Variants in NARS2 observed in about 807,000 individuals in gnomAD.
The protein encoded by NARS2 is asparaginyl-tRNA synthetase.
Under a neutral mutation model 62.9 loss-of-function variants are expected in NARS2, and 60 were observed. The observed-to-expected ratio is 0.95, with a 90% CI of 0.77 to 1.18. The LOEUF (loss-of-function observed/expected upper bound fraction) is 1.18. NARS2 is among the 50% of genes most tolerant of loss of function. NARS2 has a pLI of 0.00. For synonymous variants in NARS2, 196 were observed against 200.0 expected, an observed-to-expected ratio of 0.98 and a Z score of 0.17; for missense variants, 619 against 576.4, an observed-to-expected ratio of 1.07 and a Z score of -0.76.
rs1235452177 is a variant in NARS2, at chr11:78,574,392, C to G, written c.97G>C (p.Ala33Pro). 6.2e-7 allele frequency: 1 copy of G among 1,614,212 alleles called. No individual in the cohort carries two copies. The highest frequency in any genetic ancestry group is 1.1e-5 in the South Asian group (1 of 91,082). The change falls in exon 1 of 14, where the codon GCT becomes CCT. Residue 33 changes from alanine to proline, a missense_variant. Transcript: ENST00000281038. ...KPSAKLSVRDALGAQNASGER... is the reference protein window; with the variant it reads ...KPSAKLSVRDPLGAQNASGER... Reference sequence around the variant, plus strand: ...CCACTCGCGTTCTGAGCCCCGAGAGCGTCCCGCACGCTCAGTTTGGCTGAA... The same window carrying G: ...CCACTCGCGTTCTGAGCCCCGAGAGGGTCCCGCACGCTCAGTTTGGCTGAA...
intron 6 of NARS2, among the ~76,000 whole-genome samples, chr11:78,525,754 T>C (rs1861272963): frequency 6.6e-6 from 1 of 152,018 alleles, no homozygotes; most frequent in East Asian, 1.9e-4. Flanking sequence ...AGGGAAAAAA[T>C]AGTGTATTTT....
intron 6 of NARS2, among the ~76,000 whole-genome samples, chr11:78,504,446 T>G (rs979525293): frequency 9.9e-5 from 15 of 151,744 alleles, no homozygotes; most frequent in African/African-American, 3.4e-4. Flanking sequence ...TTTTTTTTTT[T>G]TTTTTTTTTT....
rs558147969 is a variant in NARS2 at position 78,532,685 on chromosome 11, C to T, written c.595-3749G>A. Among the ~76,000 whole-genome samples the T allele has an allele frequency of 4.7e-4, 72 of 152,284 alleles. 2 individuals are homozygous for T. In the South Asian group the frequency reaches 7.3e-3, roughly 15 times the overall value. On this transcript the variant is annotated intron_variant, in intron 5 of 13. Coordinates refer to ENST00000281038, the MANE Select transcript of NARS2 (RefSeq NM_024678.6). ...AAACGTTGTGAAAGATTAAATGGTG[C>T]CCCTTACCTCTTAGTTACTAATTCT...
chr11:78,568,790 A>G, intron 2 of NARS2, 38 bp from the exon 3 acceptor site: 2 of 1,471,432 alleles, frequency 1.4e-6, no homozygotes, highest in Non-Finnish European at 1.9e-6. Flanking sequence ...AGATATCATT[A>G]TATACAACCT....
At chr11:78,520,829 G>A (rs1382138905) in intron 6 of NARS2, among the ~76,000 whole-genome samples, 2 of 152,118 alleles carry the variant, frequency 1.3e-5, no homozygotes, top group East Asian at 3.9e-4. Context: ...GCCGAGGCGG[G>A]TGGATCACCT....
At chr11:78,489,382 G>C (rs1286686933) in intron 7 of NARS2, among the ~76,000 whole-genome samples, 1 of 152,082 alleles carries the variant, frequency 6.6e-6, no homozygotes, top group Non-Finnish European at 1.5e-5. Flanking sequence ...AAACCACAAA[G>C]AGATACTAAT....
At chr11:78,437,352 G>A (rs1168437133) in intron 13 of NARS2, among the ~76,000 whole-genome samples, 3 of 152,176 alleles carry the variant, frequency 2.0e-5, no homozygotes, top group Non-Finnish European at 4.4e-5. Context: ...TCTAGAGTAG[G>A]TGTTAATTAC....
chr11:78,439,067 T>C (rs564634805), intron 13 of NARS2, among the ~76,000 whole-genome samples: 154 of 152,062 alleles, frequency 1.0e-3, no homozygotes, highest in African/African-American at 3.3e-3. Context: ...GATGGACTTT[T>C]GCTCTTGCTG....
At chr11:78,479,116 T>G (rs1270756360) in intron 7 of NARS2, among the ~76,000 whole-genome samples, 1 of 152,166 alleles carries the variant, frequency 6.6e-6, no homozygotes, top group African/African-American at 2.4e-5. Context: ...CATCAGTTGT[T>G]GTGAACTGTA....
At chr11:78,464,770 G>A (rs1026582483) in intron 11 of NARS2, among the ~76,000 whole-genome samples, 8 of 152,216 alleles carry the variant, frequency 5.3e-5, no homozygotes, top group East Asian at 1.9e-4. Context: ...CAAACCCTGA[G>A]CTAGACAGAG....
At chr11:78,535,302 A>G (rs1565265165) in intron 5 of NARS2, among the ~76,000 whole-genome samples, 1 of 152,230 alleles carries the variant, frequency 6.6e-6, no homozygotes, top group South Asian at 2.1e-4. Context: ...ACAATGGTAC[A>G]TAAATTCATC....
intron 7 of NARS2, among the ~76,000 whole-genome samples, chr11:78,480,667 C>T (rs1301422505): frequency 7.0e-6 from 1 of 143,496 alleles, no homozygotes; most frequent in African/African-American, 2.6e-5. Context: ...AGGCACTGAT[C>T]ACATAAAATA....
chr11:78,502,231 C>T (rs1290964865), intron 6 of NARS2, among the ~76,000 whole-genome samples: 1 of 152,122 alleles, frequency 6.6e-6, no homozygotes, highest in Non-Finnish European at 1.5e-5. Context: ...AGACTGGGTG[C>T]CTTAAACAAC....
chr11:78,574,598 C>A lies in NARS2; in HGVS notation c.-110G>T, dbSNP rs1857062289. 2 of 1,232,616 alleles carry A rather than the reference C, an allele frequency of 1.6e-6. No homozygotes were observed. The highest frequency in any genetic ancestry group is 1.5e-5 in the South Asian group (1 of 65,312). The allele number at this position is 1,232,616 out of a possible 1,614,324, so 76.4% of individuals were successfully genotyped here. On this transcript the variant is annotated 5_prime_UTR_variant, in exon 1 of 14. Coordinates refer to ENST00000281038, the MANE Select transcript of NARS2 (RefSeq NM_024678.6). ...CTCCCCTTCCGCGGCCGCAGCTCTGCTCTAAGGCACTCCAGAGCCCCTCGG... is the reference window on the plus strand; with the variant it reads ...CTCCCCTTCCGCGGCCGCAGCTCTGATCTAAGGCACTCCAGAGCCCCTCGG...
chr11:78,447,031 G>T (rs1382930386), intron 11 of NARS2, among the ~76,000 whole-genome samples: 1 of 143,256 alleles, frequency 7.0e-6, no homozygotes, highest in Non-Finnish European at 1.5e-5. Context: ...TAAAGGAACT[G>T]AACAGACATT....
At chr11:78,572,452 C>T (rs1258603331) in intron 1 of NARS2, among the ~76,000 whole-genome samples, 8 of 152,176 alleles carry the variant, frequency 5.3e-5, no homozygotes, top group Admixed American at 4.6e-4. Flanking sequence ...GAATTTCTTA[C>T]TTCAAAGTTC....
chr11:78,551,998 T>C (rs1856137531), intron 5 of NARS2, among the ~76,000 whole-genome samples: 1 of 152,180 alleles, frequency 6.6e-6, no homozygotes, highest in Non-Finnish European at 1.5e-5. Flanking sequence ...TAAAAACCCC[T>C]ACATTCATTT....
chr11:78,444,698 G>A (rs1171466171), intron 11 of NARS2, among the ~76,000 whole-genome samples: 18 of 132,992 alleles, frequency 1.4e-4, no homozygotes, highest in Non-Finnish European at 2.3e-4. Flanking sequence ...TAGCCTGGGC[G>A]ACAGAGCAAG....
chr11:78,504,055 G>A (rs1034441698), intron 6 of NARS2, among the ~76,000 whole-genome samples: 4 of 152,344 alleles, frequency 2.6e-5, no homozygotes, highest in African/African-American at 7.2e-5. Flanking sequence ...GGAAATACCA[G>A]TATCATCAAA....
Sources: allele counts gnomAD v4.1 joint callset (sites outside exome capture counted in the v4.1 genomes callset), GRCh38; gene constraint gnomAD v4.1.1; transcripts MANE v1.5; gene names NCBI Gene and HGNC (gene_info 2026-07-23, HGNC 2026-07-21).